The following CABLES2 variants were observed in gnomAD, a reference collection of about 807,000 sequenced individuals.
CABLES2 encodes CDK5 and ABL1 enzyme substrate 2.
CABLES2 carries 35 observed loss-of-function variants against 44.8 expected under a neutral mutation model. That is an observed-to-expected ratio of 0.78 (90% CI 0.60 to 1.04). CABLES2 has a LOEUF of 1.04. Among genes scored for constraint, CABLES2 ranks in the 50% least tolerant of loss-of-function variants. CABLES2 has a pLI of 0.00. For missense variants in CABLES2, 566 were observed against 615.7 expected, an observed-to-expected ratio of 0.92 and a Z score of 0.85; for synonymous variants, 282 against 281.1, an observed-to-expected ratio of 1.00 and a Z score of -0.03.
chr20:62,389,144 C>G lies in CABLES2; in HGVS notation c.*1827G>C, dbSNP rs954486199. 6.5e-6 allele frequency: 1 copy of G among 152,894 alleles called. No homozygotes were observed. Among genetic ancestry groups the G allele is most frequent in the African/African-American group, 2.4e-5 (1 of 41,450 alleles). 9.5% of individuals were successfully genotyped at this position (152,894 alleles called of 1,614,324 possible). On this transcript the variant is annotated 3_prime_UTR_variant, in exon 10 of 10. Coordinates refer to ENST00000279101, the MANE Select transcript of CABLES2 (RefSeq NM_031215.3). Reference sequence around the variant, plus strand: ...CTAGGAAGTCAGTCCTTTACATGCTCGTAACATGGGCGAGCTCTTGAGATG... The same window carrying G: ...CTAGGAAGTCAGTCCTTTACATGCTGGTAACATGGGCGAGCTCTTGAGATG...
chr20:62,401,688 G>A (rs1988191013), intron 1 of CABLES2, among the ~76,000 whole-genome samples: 2 of 152,216 alleles, frequency 1.3e-5, no homozygotes, highest in Non-Finnish European at 2.9e-5. Context: ...GCACACAGAC[G>A]CCACACGGGT....
intron 1 of CABLES2, among the ~76,000 whole-genome samples, chr20:62,400,260 C>A (rs1988163774): frequency 6.7e-6 from 1 of 149,368 alleles, no homozygotes; most frequent in Non-Finnish European, 1.5e-5. Flanking sequence ...GGCTGGCCTG[C>A]ACAGTGGGGT....
At position 62,407,259 on chromosome 20, in the gene CABLES2, G is replaced by T. The variant is rs1251583859; in HGVS notation, c.18C>A (p.Ala6=). The change falls in exon 1 of 10, where the codon GCC becomes GCA. Residue 6 remains alanine, a synonymous_variant. Coordinates refer to ENST00000279101, the MANE Select transcript of CABLES2 (RefSeq NM_031215.3). MAAAA[A]GGAPGPAPGP... is the part of the protein sequence containing the mutation. ...CGGGGGCCGGGCCCGGGGCTCCACCGGCCGCGGCCGCGGCCATCCTCAGAC... is the reference window on the plus strand; with the variant it reads ...CGGGGGCCGGGCCCGGGGCTCCACCTGCCGCGGCCGCGGCCATCCTCAGAC... 3 of 572,458 alleles carry T rather than the reference G, an allele frequency of 5.2e-6. No individual in the cohort carries two copies. The highest frequency in any genetic ancestry group is 2.1e-5 in the African/African-American group (1 of 48,498). The allele number at this position is 572,458 out of a possible 1,614,324, so 35.5% of individuals were successfully genotyped here.
In CABLES2 at chr20:62,388,762, G is replaced by T; in HGVS notation, c.*2209C>A. 1 of 487,114 alleles carries T rather than the reference G, an allele frequency of 2.1e-6. No homozygotes were observed. The allele number at this position is 487,114 out of a possible 1,614,324, so 30.2% of individuals were successfully genotyped here. A position where few individuals can be genotyped will look rare whatever the true frequency, so the allele number is the denominator to read the frequency against. On this transcript the variant is annotated 3_prime_UTR_variant, in exon 10 of 10. Transcript: ENST00000279101. ...ACTGACATCCACAACTGCTACCGGT[G>T]CGGAAGCAACGCCAGGCCTGGTTCT...
chr20:62,399,584 G>C (rs1988150730), intron 1 of CABLES2, among the ~76,000 whole-genome samples: 1 of 141,920 alleles, frequency 7.0e-6, no homozygotes, highest in South Asian at 2.3e-4. Context: ...CTGATGATGG[G>C]GTCAGGTCCT....
chr20:62,396,431 A>G lies in CABLES2; in HGVS notation c.435-24T>C, dbSNP rs756672033. The G allele has an allele frequency of 2.5e-5, 40 of 1,611,876 alleles. 2 individuals are homozygous for G. The South Asian group carries it at 3.2e-4, about 13-fold the overall frequency. ...TTCTGCAAGGCAAAGGACACAGGTC[A>G]CTCTTTTCCTCCCAGGACCCTCTGG... is the stretch of plus-strand genomic sequence containing the variant. On this transcript the variant is annotated intron_variant, in intron 2 of 9. Coordinates refer to ENST00000279101, the MANE Select transcript of CABLES2 (RefSeq NM_031215.3). The surrounding 1 kb of genome is among the most constrained non-coding windows in gnomAD (Gnocchi z 5.7).
At chr20:62,399,464 G>A (rs1268405646) in intron 1 of CABLES2, among the ~76,000 whole-genome samples, 2 of 148,086 alleles carry the variant, frequency 1.4e-5, no homozygotes, top group African/African-American at 5.0e-5. Context: ...AGCCAGGATG[G>A]TCTTGATCTC....
chr20:62,403,704 C>T (rs1324620014), intron 1 of CABLES2: 2 of 152,270 alleles, frequency 1.3e-5, no homozygotes. Context: ...CCAGAGTTCC[C>T]ACTTGCTTTT....
chr20:62,406,732 G>A (rs1191878784), intron 1 of CABLES2, among the ~76,000 whole-genome samples, 183 bp downstream of exon 1: 1 of 150,432 alleles, frequency 6.6e-6, no homozygotes, highest in Non-Finnish European at 1.5e-5. Flanking sequence ...AAGGCCCCAG[G>A]TGAACCCAAC....
Position 62,391,140 on chromosome 20 carries a change from C to G in CABLES2, c.1297-29G>C, listed in dbSNP as rs373210902. The stretch of plus-strand genomic sequence containing the variant: ...CAGGGGAGAAGAGAGAAGGGTTACA[C>G]GGGAGCCTTCCCTCTTCCACATTTC... On this transcript the variant is annotated intron_variant, in intron 9 of 9. Coordinates refer to ENST00000279101, the MANE Select transcript of CABLES2 (RefSeq NM_031215.3). This position sits in a 1 kb window ranked among gnomAD's most constrained non-coding sequence, Gnocchi z 5.7. 3.2e-5 allele frequency: 51 copies of G among 1,610,606 alleles called. No homozygotes were observed. The African/African-American group carries it at 5.2e-4, about 16-fold the overall frequency.
At position 62,388,703 on chromosome 20, in the gene CABLES2, C is replaced by T; in HGVS notation, c.*2268G>A. The T allele has an allele frequency of 1.7e-6, 1 of 583,880 alleles. No individual in the cohort carries two copies. Among genetic ancestry groups the T allele is most frequent in the Non-Finnish European group, 3.0e-6 (1 of 331,012 alleles). The allele number at this position is 583,880 out of a possible 1,614,324, so 36.2% of individuals were successfully genotyped here. ...AACAGATATCTAAGACAAAATAACT[C>T]AAACATTCTGAGGTCTGATACTTGC... On this transcript the variant is annotated 3_prime_UTR_variant, in exon 10 of 10. Coordinates refer to ENST00000279101, the MANE Select transcript of CABLES2 (RefSeq NM_031215.3).
chr20:62,401,329 C>T (rs1402933414), intron 1 of CABLES2, among the ~76,000 whole-genome samples: 2 of 152,232 alleles, frequency 1.3e-5, no homozygotes, highest in Admixed American at 1.3e-4. Context: ...GAGCTGGTGT[C>T]AAGGGAGAAC....
intron 1 of CABLES2, among the ~76,000 whole-genome samples, chr20:62,397,878 T>C (rs115857708): frequency 7.7e-6 from 1 of 129,552 alleles, no homozygotes; most frequent in Non-Finnish European, 1.8e-5. Flanking sequence ...AAGGGAGCAG[T>C]TGGTGGTGGT....
rs971597304 is a variant in CABLES2, at chr20:62,391,001, A to G, written c.1407T>C (p.Pro469=). 6 of 1,614,100 alleles carry G rather than the reference A, an allele frequency of 3.7e-6. No homozygotes were observed. The highest frequency in any genetic ancestry group is 2.7e-5 in the African/African-American group (2 of 75,048). ...ALYLPENQVL[P]HYRRLTQQF ...ACTGCTGGGTGAGGCGCCTGTAATG[A>G]GGTAACACTTGGTTCTCGGGAAGAT... Residue 469 remains proline, a synonymous_variant, in exon 10 of 10, where the codon CCT becomes CCC. Transcript: ENST00000279101. The surrounding 1 kb of genome is among the most constrained non-coding windows in gnomAD (Gnocchi z 5.7).
chr20:62,396,502 G>A lies in CABLES2; in HGVS notation c.434+19C>T, dbSNP rs926736612. The A allele has an allele frequency of 1.9e-6, 3 of 1,613,848 alleles. No homozygotes were observed. Among genetic ancestry groups the A allele is most frequent in the Non-Finnish European group, 2.5e-6 (3 of 1,179,970 alleles). ...GCCCGAGCGGAGTCGTAGAGCTCGGGGCGGACGGGGGCGTGTACCTCTGTG... is the reference window on the plus strand; with the variant it reads ...GCCCGAGCGGAGTCGTAGAGCTCGGAGCGGACGGGGGCGTGTACCTCTGTG... On this transcript the variant is annotated intron_variant, in intron 2 of 9. Transcript: ENST00000279101. The surrounding 1 kb of genome is among the most constrained non-coding windows in gnomAD (Gnocchi z 5.7).
intron 3 of CABLES2, among the ~76,000 whole-genome samples, chr20:62,395,546 A>AG (rs757270647): frequency 5.5e-4 from 83 of 152,266 alleles, no homozygotes; most frequent in Non-Finnish European, 9.0e-4. Context: ...GGGCCCAGAG[A>AG]GCACAGGCAG....
intron 1 of CABLES2, among the ~76,000 whole-genome samples, chr20:62,398,095 T>TGGA (rs1988088071): frequency 7.3e-6 from 1 of 136,552 alleles, no homozygotes; most frequent in Admixed American, 7.2e-5. Context: ...GTGACGGTGG[T>TGGA]GGTGGTGGTG....
chr20:62,398,237 GTGATGA>G (rs1222212533), intron 1 of CABLES2, among the ~76,000 whole-genome samples: 45 of 134,494 alleles, frequency 3.3e-4, no homozygotes, highest in African/African-American at 1.3e-3. Context: ...GGTGACGGTG[GTGATGA>G]TGGTGATGGT....
intron 1 of CABLES2, among the ~76,000 whole-genome samples, chr20:62,398,054 G>A (rs1317052690): frequency 6.9e-6 from 1 of 145,744 alleles, no homozygotes; most frequent in Non-Finnish European, 1.5e-5. Context: ...TGGTGGTGAT[G>A]GCGATGGTGG....
Sources: gnomAD v4.1 joint callset for allele counts (sites outside exome capture counted in the v4.1 genomes callset) on GRCh38, gnomAD v4.1.1 for gene constraint, Gnocchi (gnomAD v3.1) non-coding constraint, MANE v1.5 for transcripts, NCBI Gene and HGNC (gene_info 2026-07-23, HGNC 2026-07-21) for gene names.